The following DSC1 variants were observed in gnomAD, a reference collection of about 807,000 sequenced individuals.
DSC1 encodes the protein desmocollin 1, also known as desmocollin-1.
A neutral mutation model predicts 98.8 loss-of-function variants in DSC1; 79 were observed. The ratio of observed to expected loss-of-function variants is 0.80; its 90% CI spans 0.67 to 0.96. DSC1 has a LOEUF of 0.96. DSC1 is among the 50% of genes least tolerant of loss of function. DSC1 has a pLI of 0.00. For synonymous variants in DSC1, 405 were observed against 372.1 expected (o/e 1.09, Z -1.02); for missense variants, 1,115 against 1,075.9 (o/e 1.04, Z -0.51).
chr18:31,161,557 G>A (rs898704346), intron 1 of DSC1, among the ~76,000 whole-genome samples: 2 of 152,084 alleles, frequency 1.3e-5, no homozygotes, highest in Admixed American at 1.3e-4. Flanking sequence ...TGACTAAGTG[G>A]CTTAGTGACA....
Position 31,130,605 on chromosome 18 carries a change from C to A in DSC1, c.2594G>T (p.Cys865Phe). ...KGSLAGSVGC[C>F]SDRQEEEGLE... ...TCCCTCTTCTTCCTGCCGATCGCTGCAGCAACCTACTGAGCCGGCCAGAGA... is the reference window on the plus strand; with the variant it reads ...TCCCTCTTCTTCCTGCCGATCGCTGAAGCAACCTACTGAGCCGGCCAGAGA... Residue 865 changes from cysteine to phenylalanine, a missense_variant, in exon 16 of 16, where the codon TGC becomes TTC. By Grantham distance (205) the Cys-to-Phe change is radical. Transcript: ENST00000257198. 1 of 1,614,158 alleles carries A rather than the reference C, an allele frequency of 6.2e-7. No individual in the cohort carries two copies.
rs779988634 is a variant in DSC1 at position 31,156,085 on chromosome 18, C to T, written c.429G>A (p.Leu143=). 1 of 1,614,178 alleles carries T rather than the reference C, an allele frequency of 6.2e-7. No homozygotes were observed. Among genetic ancestry groups the T allele is most frequent in the South Asian group, 1.1e-5 (1 of 91,082 alleles). ...KRRWAPIPAS[L]MENSLGPFPQ... is the part of the protein sequence containing the mutation. ...GAAATGGACCCAACGAGTTCTCCATCAATGAAGCTGGAATAGGAGCCCATC... is the reference window on the plus strand; with the variant it reads ...GAAATGGACCCAACGAGTTCTCCATTAATGAAGCTGGAATAGGAGCCCATC... The change falls in exon 4 of 16, where the codon TTG becomes TTA. Residue 143 remains leucine, a synonymous_variant. Coordinates refer to ENST00000257198, the MANE Select transcript of DSC1 (RefSeq NM_024421.2).
chr18:31,162,837 A>G lies in DSC1; in HGVS notation c.-243T>C. The G allele has an allele frequency of 2.0e-6, 1 of 498,400 alleles. No individual in the cohort carries two copies. The highest frequency in any genetic ancestry group is 1.9e-5 in the African/African-American group (1 of 51,368). 30.9% of individuals were successfully genotyped at this position (498,400 alleles called of 1,614,324 possible). A position where few individuals can be genotyped will look rare whatever the true frequency, so the allele number is the denominator to read the frequency against. On this transcript the variant is annotated 5_prime_UTR_variant, in exon 1 of 16. Transcript: ENST00000257198. ...TTCCAGTTCAATTACGTCTAAATGC[A>G]AAGAGGCTTTCCTACAAGTGAGGAG...
At chr18:31,157,298 T>A in intron 3 of DSC1, 73 bp downstream of exon 3, 1 of 1,473,438 alleles carries the variant, frequency 6.8e-7, no homozygotes, top group Non-Finnish European at 9.3e-7. Flanking sequence ...TGAAACACGT[T>A]AAAACACATG....
chr18:31,162,507 C>T, intron 1 of DSC1, 25 bp downstream of exon 1: 1 of 1,612,248 alleles, frequency 6.2e-7, no homozygotes, highest in South Asian at 1.1e-5. Context: ...TGCTTGAATT[C>T]CCTAATCCTT....
chr18:31,148,382 T>C (rs1988890785), intron 6 of DSC1, 116 bp downstream of exon 6: 1 of 1,292,626 alleles, frequency 7.7e-7, no homozygotes, highest in African/African-American at 1.5e-5. Flanking sequence ...GTGTATGTAA[T>C]CAGAAATACC....
In DSC1 at chr18:31,150,796, T is replaced by C. The variant is rs1988987350; in HGVS notation, c.628-2154A>G. On this transcript the variant is annotated intron_variant, in intron 5 of 15. Coordinates refer to ENST00000257198, the MANE Select transcript of DSC1 (RefSeq NM_024421.2). Reference sequence around the variant, plus strand: ...CTATAAAATGGTTTTATATCTCTATTAGATTACAGTTGCTGTCAGGCTTGA... The same window carrying C: ...CTATAAAATGGTTTTATATCTCTATCAGATTACAGTTGCTGTCAGGCTTGA... 2.0e-5 allele frequency: 3 copies of C among 152,220 alleles called. No individual in the cohort carries two copies. The South Asian group carries it at 6.2e-4, about 32-fold the overall frequency. 9.4% of individuals were successfully genotyped at this position (152,220 alleles called of 1,614,324 possible). A position where few individuals can be genotyped will look rare whatever the true frequency, so the allele number is the denominator to read the frequency against.
intron 2 of DSC1, among the ~76,000 whole-genome samples, 153 bp from the exon 3 acceptor site, chr18:31,157,726 G>A (rs769870412): frequency 2.0e-5 from 3 of 152,134 alleles, no homozygotes; most frequent in Admixed American, 6.5e-5. Flanking sequence ...AAACGTGGGG[G>A]CCATGAAAAT....
rs1225782089 is a variant in DSC1, at chr18:31,130,766, A to G, written c.2488-55T>C. On this transcript the variant is annotated intron_variant, in intron 15 of 15. Transcript: ENST00000257198. The stretch of plus-strand genomic sequence containing the variant: ...TTTTTAAAAAACACCTAAACATATT[A>G]GCAGAAAAATGATGTCTTTGATTTA... 5.6e-6 allele frequency: 9 copies of G among 1,612,006 alleles called. No homozygotes were observed. In the Admixed American group the frequency reaches 1.0e-4, roughly 18 times the overall value.
At chr18:31,131,952 C>T in intron 14 of DSC1, 110 bp from the exon 15 acceptor site, 1 of 1,252,970 alleles carries the variant, frequency 8.0e-7, no homozygotes, top group Non-Finnish European at 1.1e-6. Flanking sequence ...CCTCTCTGTT[C>T]CTCATACATA....
At chr18:31,153,807 T>G (rs929953197) in intron 5 of DSC1, among the ~76,000 whole-genome samples, 2 of 152,248 alleles carry the variant, frequency 1.3e-5, no homozygotes, top group African/African-American at 4.8e-5. Context: ...CTGATGCATC[T>G]TCCTGGAATA....
intron 11 of DSC1, among the ~76,000 whole-genome samples, chr18:31,135,855 T>C (rs1430057665): frequency 6.6e-6 from 1 of 152,174 alleles, no homozygotes; most frequent in Non-Finnish European, 1.5e-5. Context: ...TTGCTTTAAA[T>C]ACTGGTCCAC....
chr18:31,157,345 A>G (rs1455284855), intron 3 of DSC1, 26 bp downstream of exon 3: 4 of 1,610,774 alleles, frequency 2.5e-6, no homozygotes, highest in South Asian at 2.2e-5. Flanking sequence ...TTACTGTGCT[A>G]GGCTGCTTAA....
chr18:31,151,762 G>A (rs1989003997), intron 5 of DSC1, among the ~76,000 whole-genome samples: 1 of 152,202 alleles, frequency 6.6e-6, no homozygotes, highest in Non-Finnish European at 1.5e-5. Flanking sequence ...AGATGGGGCA[G>A]AGAAAGGAGA....
chr18:31,149,838 T>C (rs1346029613), intron 5 of DSC1, among the ~76,000 whole-genome samples: 1 of 152,204 alleles, frequency 6.6e-6, no homozygotes, highest in Non-Finnish European at 1.5e-5. Flanking sequence ...ACCATTCATG[T>C]TCTCTCTGCC....
chr18:31,135,151 G>A (rs79372950), intron 11 of DSC1, among the ~76,000 whole-genome samples: 1,568 of 152,206 alleles, frequency 0.01, 25 homozygotes, highest in African/African-American at 0.034. Context: ...CACTTTCTCA[G>A]CTTCTCCATT....
rs1193382454 is a variant in DSC1 at position 31,140,038 on chromosome 18, T to G, written c.1520+4A>C. 2 of 1,606,544 alleles carry G rather than the reference T, an allele frequency of 1.2e-6. No homozygotes were observed. Among genetic ancestry groups the G allele is most frequent in the South Asian group, 1.1e-5 (1 of 89,786 alleles). On this transcript the variant is annotated splice_donor_region_variant and intron_variant, in intron 10 of 15. Transcript: ENST00000257198. ...ATTAAGGAGCTTTTTGAAAAGTACATCACCTTAAGCCTTCACCACTGGATA... is the reference window on the plus strand; with the variant it reads ...ATTAAGGAGCTTTTTGAAAAGTACAGCACCTTAAGCCTTCACCACTGGATA...
At chr18:31,141,372 A>G (rs1197971644) in intron 9 of DSC1, among the ~76,000 whole-genome samples, 1 of 152,170 alleles carries the variant, frequency 6.6e-6, no homozygotes, top group Non-Finnish European at 1.5e-5. Flanking sequence ...AACTGTCTCT[A>G]AGAAATTAAT....
chr18:31,159,208 C>T (rs541607437), intron 2 of DSC1, among the ~76,000 whole-genome samples: 2 of 123,142 alleles, frequency 1.6e-5, no homozygotes, highest in African/African-American at 5.9e-5. Context: ...CGCCCGCCAC[C>T]GCGCCCGGCT....
Sources: gnomAD v4.1 joint callset for allele counts (sites outside exome capture counted in the v4.1 genomes callset) on GRCh38, gnomAD v4.1.1 for gene constraint, MANE v1.5 for transcripts, NCBI Gene and HGNC (gene_info 2026-07-23, HGNC 2026-07-21) for gene names.